CACNA1E: variants seen among roughly 807,000 people sequenced by gnomAD.
CACNA1E encodes calcium voltage-gated channel subunit alpha1 E.
In CACNA1E, 40 loss-of-function variants were observed where a neutral mutation model predicts 259.2. That is an observed-to-expected ratio of 0.15 (90% CI 0.12 to 0.20). The LOEUF (loss-of-function observed/expected upper bound fraction) is 0.20. Among genes scored for constraint, CACNA1E ranks in the 10% least tolerant of loss-of-function variants. The pLI, the probability that CACNA1E is intolerant of heterozygous loss-of-function variation, is 1.00. For missense variants in CACNA1E, 1,874 were observed against 3,040.1 expected (o/e 0.62, Z 9.02); for synonymous variants, 1,104 against 1,138.5 (o/e 0.97, Z 0.61).
chr1:181,434,246 A>G lies in CACNA1E; in HGVS notation c.434+20666A>G, dbSNP rs116036656. On this transcript the variant is annotated intron_variant, in intron 2 of 11. Transcript: ENST00000524607. ...GAGAGAGACATATAAAGTGCTTATC[A>G]TAGTTCCTGGCAGATAGTAAATGAT... Among the ~76,000 whole-genome samples, 759 of 152,334 alleles carry G rather than the reference A, an allele frequency of 5.0e-3. 6 individuals are homozygous for G. The highest frequency in any genetic ancestry group is 0.017 in the African/African-American group (724 of 41,578).
intron 2 of CACNA1E, among the ~76,000 whole-genome samples, chr1:181,463,893 A>C (rs944476855): frequency 2.6e-5 from 4 of 152,128 alleles, no homozygotes; most frequent in Non-Finnish European, 5.9e-5. Flanking sequence ...ATAAAAAAGA[A>C]GTCATTTATA....
chr1:181,671,628 C>T (rs919258441), intron 7 of CACNA1E, among the ~76,000 whole-genome samples: 6 of 152,116 alleles, frequency 3.9e-5, no homozygotes, highest in African/African-American at 9.7e-5. Flanking sequence ...CCTGACATAA[C>T]GGCTCCCACA....
chr1:181,712,541 G>T (rs189814326), intron 8 of CACNA1E, among the ~76,000 whole-genome samples: 38 of 152,242 alleles, frequency 2.5e-4, no homozygotes, highest in African/African-American at 8.9e-4. Context: ...GACCTCCAAG[G>T]GTTGAGAGGG....
chr1:181,659,206 G>A (rs1166871809), intron 7 of CACNA1E, among the ~76,000 whole-genome samples: 2 of 152,036 alleles, frequency 1.3e-5, no homozygotes, highest in Non-Finnish European at 2.9e-5. Flanking sequence ...TGTGAGAGGG[G>A]GCAGGCCACA....
intron 1 of CACNA1E, among the ~76,000 whole-genome samples, chr1:181,406,850 C>T (rs139485567): frequency 3.9e-4 from 59 of 152,338 alleles, no homozygotes; most frequent in African/African-American, 1.4e-3. Context: ...ACCTAACTTA[C>T]AGTTCCAAGT....
At chr1:181,408,447 G>A (rs1225789031) in intron 1 of CACNA1E, among the ~76,000 whole-genome samples, 2 of 152,170 alleles carry the variant, frequency 1.3e-5, no homozygotes, top group Admixed American at 6.5e-5. Context: ...AGGGAAAGAT[G>A]GTGCAAAGGA....
At chr1:181,689,450 A>G (rs1650918343) in intron 7 of CACNA1E, among the ~76,000 whole-genome samples, 1 of 152,106 alleles carries the variant, frequency 6.6e-6, no homozygotes, top group Admixed American at 6.6e-5. Context: ...ATGTGTGCAT[A>G]TATCTTTATA....
At chr1:181,426,497 C>A (rs1659218711) in intron 2 of CACNA1E, among the ~76,000 whole-genome samples, 1 of 147,862 alleles carries the variant, frequency 6.8e-6, no homozygotes, top group Non-Finnish European at 1.5e-5. Context: ...CCCTTCAAAA[C>A]TCAACCCCTT....
At chr1:181,486,342 A>C (rs1663816225) in intron 1 of CACNA1E, among the ~76,000 whole-genome samples, 1 of 152,240 alleles carries the variant, frequency 6.6e-6, no homozygotes, top group South Asian at 2.1e-4. Context: ...ACATCTGCTA[A>C]GGTGTTTAGT....
chr1:181,394,971 G>A (rs1656560285), intron 1 of CACNA1E, among the ~76,000 whole-genome samples: 1 of 152,174 alleles, frequency 6.6e-6, no homozygotes, highest in Admixed American at 6.5e-5. Flanking sequence ...TACTCTAAGT[G>A]AAGGGAGGGT....
At chr1:181,381,373 G>A (rs1655450283) in intron 1 of CACNA1E, among the ~76,000 whole-genome samples, 1 of 152,150 alleles carries the variant, frequency 6.6e-6, no homozygotes, top group African/African-American at 2.4e-5. Context: ...CTCAAAATAA[G>A]TATGCTGACT....
chr1:181,498,577 C>T (rs563695611), intron 1 of CACNA1E, among the ~76,000 whole-genome samples: 29 of 152,252 alleles, frequency 1.9e-4, no homozygotes, highest in African/African-American at 6.3e-4. Flanking sequence ...CTTTCTTTCT[C>T]CTCCATTTCC....
chr1:181,621,184 G>A (rs1488739041), intron 6 of CACNA1E, among the ~76,000 whole-genome samples: 1 of 152,226 alleles, frequency 6.6e-6, no homozygotes, highest in African/African-American at 2.4e-5. Flanking sequence ...TCAATGTGAG[G>A]CCTTGAATGT....
chr1:181,506,877 T>C (rs1291140295), intron 1 of CACNA1E, among the ~76,000 whole-genome samples: 1 of 152,168 alleles, frequency 6.6e-6, no homozygotes, highest in African/African-American at 2.4e-5. Flanking sequence ...GAGATTTCCC[T>C]GCCACTATCC....
At chr1:181,757,784 C>A (rs1040865142) in intron 30 of CACNA1E, among the ~76,000 whole-genome samples, 163 bp from the exon 31 acceptor site, 1 of 152,118 alleles carries the variant, frequency 6.6e-6, no homozygotes, top group Admixed American at 6.6e-5. Context: ...TAAGGTGACG[C>A]CTTGTCTGTA....
intron 3 of CACNA1E, among the ~76,000 whole-genome samples, chr1:181,547,941 A>G (rs1409656376): frequency 2.0e-5 from 3 of 152,078 alleles, no homozygotes; most frequent in African/African-American, 7.2e-5. Context: ...CTTACTATCT[A>G]CTTGTTAATT....
At chr1:181,654,704 G>A (rs1287306816) in intron 7 of CACNA1E, among the ~76,000 whole-genome samples, 1 of 152,190 alleles carries the variant, frequency 6.6e-6, no homozygotes, top group African/African-American at 2.4e-5. Context: ...GATATCTTGG[G>A]CGGGGCGCGC....
At chr1:181,633,355 GC>G (rs1656920343) in intron 6 of CACNA1E, among the ~76,000 whole-genome samples, 1 of 152,070 alleles carries the variant, frequency 6.6e-6, no homozygotes, top group Non-Finnish European at 1.5e-5. Context: ...CATAGCTTGA[GC>G]GAGTGTTTTA....
intron 6 of CACNA1E, among the ~76,000 whole-genome samples, chr1:181,635,789 C>A (rs1218548745): frequency 6.6e-6 from 1 of 152,158 alleles, no homozygotes; most frequent in African/African-American, 2.4e-5. Flanking sequence ...CATTTTGATT[C>A]TAAAGTATTT....
Sources: allele counts gnomAD v4.1 joint callset (sites outside exome capture counted in the v4.1 genomes callset), GRCh38; gene constraint gnomAD v4.1.1; transcripts MANE v1.5; gene names NCBI Gene and HGNC (gene_info 2026-07-23, HGNC 2026-07-21).